CAMSAP1: variants seen among roughly 807,000 people sequenced by gnomAD.
The protein encoded by CAMSAP1 is calmodulin regulated spectrin associated protein 1, also known as calmodulin-regulated spectrin-associated protein 1.
In CAMSAP1, 58 loss-of-function variants were observed where a neutral mutation model predicts 143.5. That is an observed-to-expected ratio of 0.40 (90% CI 0.33 to 0.50). The LOEUF (loss-of-function observed/expected upper bound fraction) is 0.50, where lower values mean the gene tolerates loss of function less well. Ranked by LOEUF, CAMSAP1 falls within the 20% of genes least tolerant of loss-of-function variation. The pLI, the probability that CAMSAP1 is intolerant of heterozygous loss-of-function variation, is 0.45. For synonymous variants in CAMSAP1, 945 were observed against 859.3 expected, an observed-to-expected ratio of 1.10 and a Z score of -1.74; for missense variants, 1,969 against 2,115.7, an observed-to-expected ratio of 0.93 and a Z score of 1.36.
At chr9:135,850,524 G>A in intron 5 of CAMSAP1, 63 bp from the exon 6 acceptor site, 3 of 1,353,210 alleles carry the variant, frequency 2.2e-6, no homozygotes, top group Admixed American at 5.4e-5. Flanking sequence ...AGAGAGAGAA[G>A]CATTCTAAAA....
Position 135,818,237 on chromosome 9 carries a change from G to A in CAMSAP1, c.4169-158C>T, listed in dbSNP as rs1401410477. On this transcript the variant is annotated intron_variant, in intron 13 of 16. Coordinates refer to ENST00000389532, the MANE Select transcript of CAMSAP1 (RefSeq NM_015447.4). The surrounding 1 kb of genome is among the most constrained non-coding windows in gnomAD (Gnocchi z 7.7). Reference sequence around the variant, plus strand: ...GAGCCGGGCTGCGCCTGGATGTGCCGCACATCTCAGAGCATCTGGTCTCAA... The same window carrying A: ...GAGCCGGGCTGCGCCTGGATGTGCCACACATCTCAGAGCATCTGGTCTCAA... 35 of 1,100,492 alleles carry A rather than the reference G, an allele frequency of 3.2e-5. No individual in the cohort carries two copies. The highest frequency in any genetic ancestry group is 2.8e-4 in the African/African-American group (18 of 63,948). The allele number at this position is 1,100,492 out of a possible 1,614,324, so 68.2% of individuals were successfully genotyped here.
chr9:135,820,195 CTG>C lies in CAMSAP1; in HGVS notation c.3822+642_3822+643del, dbSNP rs1835393773. On this transcript the variant is annotated intron_variant, in intron 11 of 16. Transcript: ENST00000389532. This position sits in a 1 kb window ranked among gnomAD's most constrained non-coding sequence, Gnocchi z 4.4. The stretch of plus-strand genomic sequence containing the variant: ...TTACTGTACCCAATACTGTAAGTAA[CTG>C]TGTATCAAAATCTATCTAAACATTG... Among the ~76,000 whole-genome samples the C allele has an allele frequency of 2.0e-5, 3 of 152,276 alleles. No homozygotes were observed. Among genetic ancestry groups the C allele is most frequent in the African/African-American group, 7.2e-5 (3 of 41,542 alleles).
In CAMSAP1 at chr9:135,819,184, C is replaced by T; in HGVS notation, c.3823-38G>A. 1.9e-6 allele frequency: 3 copies of T among 1,573,432 alleles called. No homozygotes were observed. In the South Asian group the frequency reaches 3.5e-5, roughly 18 times the overall value. ...GGCCACACAGAGCATGACAGGAACCCCCTCAGACGCCGGACACGGCCGCAC... is the reference window on the plus strand; with the variant it reads ...GGCCACACAGAGCATGACAGGAACCTCCTCAGACGCCGGACACGGCCGCAC... On this transcript the variant is annotated intron_variant, in intron 11 of 16. Transcript: ENST00000389532.
At chr9:135,871,926 A>T (rs1415536285) in intron 3 of CAMSAP1, among the ~76,000 whole-genome samples, 1 of 152,152 alleles carries the variant, frequency 6.6e-6, no homozygotes, top group Non-Finnish European at 1.5e-5. Context: ...AACATGGAGA[A>T]ACCCCATCTC....
chr9:135,820,321 G>C lies in CAMSAP1; in HGVS notation c.3822+518C>G, dbSNP rs147059691. Among the ~76,000 whole-genome samples the C allele has an allele frequency of 1.2e-3, 182 of 152,292 alleles. No homozygotes were observed. In the East Asian group the frequency reaches 0.014, roughly 12 times the overall value. On this transcript the variant is annotated intron_variant, in intron 11 of 16. Coordinates refer to ENST00000389532, the MANE Select transcript of CAMSAP1 (RefSeq NM_015447.4). The surrounding 1 kb of genome is among the most constrained non-coding windows in gnomAD (Gnocchi z 4.4). ...ACGAACGTCACAGCAAACATCATGT[G>C]ACGCACTGACTATTAAAACAGTTCA...
intron 1 of CAMSAP1, among the ~76,000 whole-genome samples, chr9:135,891,491 A>AC (rs1228691109): frequency 6.6e-6 from 1 of 152,230 alleles, no homozygotes; most frequent in African/African-American, 2.4e-5. Context: ...AGCTGAACCA[A>AC]CACTGCAGCC....
chr9:135,831,452 A>G (rs1835857675), intron 7 of CAMSAP1, among the ~76,000 whole-genome samples: 2 of 151,752 alleles, frequency 1.3e-5, no homozygotes, highest in Non-Finnish European at 2.9e-5. Flanking sequence ...TGGCCAACAT[A>G]GCGAGACCCC....
chr9:135,897,796 G>A (rs1357494724), intron 1 of CAMSAP1, among the ~76,000 whole-genome samples: 1 of 152,104 alleles, frequency 6.6e-6, no homozygotes, highest in Admixed American at 6.6e-5. Flanking sequence ...AACAGCATGC[G>A]ATTTAAAACT....
intron 3 of CAMSAP1, among the ~76,000 whole-genome samples, chr9:135,875,090 C>G (rs73559481): frequency 2.6e-5 from 4 of 152,098 alleles, no homozygotes; most frequent in Non-Finnish European, 2.9e-5. Flanking sequence ...TCAATTCTCC[C>G]GAAATTCATC....
chr9:135,887,830 G>C (rs865838581), intron 1 of CAMSAP1, among the ~76,000 whole-genome samples: 48 of 152,176 alleles, frequency 3.2e-4, no homozygotes, highest in African/African-American at 9.9e-4. Context: ...GACAAGAGTC[G>C]GCAACGGCAC....
At position 135,866,483 on chromosome 9, in the gene CAMSAP1, C is replaced by T; in HGVS notation, c.639G>A (p.Gln213=). The T allele has an allele frequency of 6.8e-7, 1 of 1,478,464 alleles. No homozygotes were observed. Among genetic ancestry groups the T allele is most frequent in the South Asian group, 1.2e-5 (1 of 82,496 alleles). The allele number at this position is 1,478,464 out of a possible 1,614,324, so 91.6% of individuals were successfully genotyped here. ...ITEKEVKLKQ[Q]LLESPAHQKV... ...TTTGATGAGCTGGACTTTCCAATAACTGTTGTTTTAATTTAACTTCTTTCT... is the reference window on the plus strand; with the variant it reads ...TTTGATGAGCTGGACTTTCCAATAATTGTTGTTTTAATTTAACTTCTTTCT... Residue 213 remains glutamine, a synonymous_variant, in exon 4 of 17, where the codon CAG becomes CAA. Transcript: ENST00000389532.
intron 7 of CAMSAP1, among the ~76,000 whole-genome samples, chr9:135,828,271 G>A (rs1054064235): frequency 1.3e-5 from 2 of 152,268 alleles, no homozygotes. Flanking sequence ...AGCAGCTCAA[G>A]AAGGCAAGAG....
chr9:135,831,540 TTAAA>T (rs1264518617), intron 7 of CAMSAP1, among the ~76,000 whole-genome samples: 5 of 150,970 alleles, frequency 3.3e-5, no homozygotes, highest in South Asian at 2.1e-4. Context: ...AAGCAGGACT[TTAAA>T]TAACAACCTA....
At chr9:135,815,041 A>T in intron 16 of CAMSAP1, 56 bp downstream of exon 16, 1 of 1,240,760 alleles carries the variant, frequency 8.1e-7, no homozygotes, top group East Asian at 2.4e-5. Flanking sequence ...AAGAACCCTT[A>T]ATTTATAAAC....
chr9:135,865,503 G>A, intron 4 of CAMSAP1: 1 of 737,864 alleles, frequency 1.4e-6, no homozygotes, highest in Non-Finnish European at 2.3e-6. Context: ...AGTCTTCTAA[G>A]TGTACGTGGC....
chr9:135,851,795 T>G (rs1287604428), intron 5 of CAMSAP1, among the ~76,000 whole-genome samples: 6 of 152,270 alleles, frequency 3.9e-5, no homozygotes, highest in Non-Finnish European at 5.9e-5. Flanking sequence ...TATATGGTCC[T>G]CCACGATTTC....
intron 3 of CAMSAP1, among the ~76,000 whole-genome samples, chr9:135,872,339 C>T (rs1490411303): frequency 6.6e-6 from 1 of 152,110 alleles, no homozygotes; most frequent in Non-Finnish European, 1.5e-5. Context: ...GCAATGGCAT[C>T]ACTTTGACTT....
At chr9:135,842,492 C>T (rs565848066) in intron 7 of CAMSAP1, among the ~76,000 whole-genome samples, 9 of 152,158 alleles carry the variant, frequency 5.9e-5, no homozygotes, top group East Asian at 1.9e-4. Flanking sequence ...TCAGGAAATA[C>T]GGAGAACAGC....
At chr9:135,869,929 A>T (rs1233708722) in intron 3 of CAMSAP1, among the ~76,000 whole-genome samples, 1 of 152,216 alleles carries the variant, frequency 6.6e-6, no homozygotes, top group Admixed American at 6.5e-5. Flanking sequence ...CAGGCACGGA[A>T]GATCACATAC....
Sources: gnomAD v4.1 joint callset for allele counts (sites outside exome capture counted in the v4.1 genomes callset) on GRCh38, gnomAD v4.1.1 for gene constraint, Gnocchi (gnomAD v3.1) non-coding constraint, MANE v1.5 for transcripts, NCBI Gene and HGNC (gene_info 2026-07-23, HGNC 2026-07-21) for gene names.